TMEM178B: variants seen among roughly 807,000 people sequenced by gnomAD.
TMEM178B encodes the protein transmembrane protein 178B.
Under a neutral mutation model 31.0 loss-of-function variants are expected in TMEM178B, and 5 were observed. The ratio of observed to expected loss-of-function variants is 0.16; its 90% CI spans 0.08 to 0.34. The LOEUF is 0.34. Ranked by LOEUF, TMEM178B falls within the 10% of genes least tolerant of loss-of-function variation. TMEM178B has a pLI of 1.00. For missense variants in TMEM178B, 275 were observed against 400.3 expected, an observed-to-expected ratio of 0.69 and a Z score of 2.67; for synonymous variants, 164 against 164.0, an observed-to-expected ratio of 1.00 and a Z score of 0.00.
At chr7:141,258,407 C>A (rs1797962480) in intron 2 of TMEM178B, among the ~76,000 whole-genome samples, 1 of 152,130 alleles carries the variant, frequency 6.6e-6, no homozygotes, top group Admixed American at 6.6e-5. Flanking sequence ...GGGCCACATT[C>A]AAAGGTGTTC....
the TMEM178B span, among the ~76,000 whole-genome samples, chr7:141,495,749 G>A: frequency 6.6e-6 from 1 of 152,140 alleles, no homozygotes; most frequent in South Asian, 2.1e-4. Context: ...AACAACCAAG[G>A]TCCATCTCTG....
At chr7:141,244,814 G>A (rs1797698646) in intron 2 of TMEM178B, among the ~76,000 whole-genome samples, 1 of 152,032 alleles carries the variant, frequency 6.6e-6, no homozygotes. Flanking sequence ...TGCCCTCGGG[G>A]GGAAGAAGAA....
At chr7:141,197,093 T>C (rs557301558) in intron 1 of TMEM178B, among the ~76,000 whole-genome samples, 1 of 152,332 alleles carries the variant, frequency 6.6e-6, no homozygotes, top group Admixed American at 6.5e-5. Context: ...GTGTCTGACA[T>C]ATATAATCTG....
intron 2 of TMEM178B, among the ~76,000 whole-genome samples, chr7:141,391,291 G>C (rs965263304): frequency 6.6e-6 from 1 of 151,958 alleles, no homozygotes; most frequent in Non-Finnish European, 1.5e-5. Context: ...TCAGCCTCCC[G>C]AGTAGCTGGG....
chr7:141,159,242 C>T (rs1050676507), intron 1 of TMEM178B, among the ~76,000 whole-genome samples: 3 of 152,112 alleles, frequency 2.0e-5, no homozygotes, highest in African/African-American at 7.2e-5. Context: ...CACTCTTGCT[C>T]CCACAATCTA....
chr7:141,159,953 A>G (rs924860677), intron 1 of TMEM178B, among the ~76,000 whole-genome samples: 1 of 150,458 alleles, frequency 6.6e-6, no homozygotes, highest in Non-Finnish European at 1.5e-5. Flanking sequence ...TGAATTTTAA[A>G]AAAATTGTTC....
chr7:141,454,070 T>C (rs1801916553), intron 3 of TMEM178B, among the ~76,000 whole-genome samples: 1 of 152,092 alleles, frequency 6.6e-6, no homozygotes, highest in Admixed American at 6.6e-5. Flanking sequence ...AATCTCTTCT[T>C]GAAGTTTCTG....
intron 1 of TMEM178B, among the ~76,000 whole-genome samples, chr7:141,158,448 G>A (rs954388262): frequency 2.6e-5 from 4 of 152,162 alleles, no homozygotes; most frequent in African/African-American, 4.8e-5. Context: ...AGCAAGATCC[G>A]TGTCTGATCA....
intron 3 of TMEM178B, among the ~76,000 whole-genome samples, chr7:141,443,110 T>A (rs1801691838): frequency 6.6e-6 from 1 of 152,182 alleles, no homozygotes; most frequent in African/African-American, 2.4e-5. Context: ...ACCCTCTGTT[T>A]GTTTGATTTT....
chr7:141,331,317 C>T (rs1185895146), intron 2 of TMEM178B, among the ~76,000 whole-genome samples: 14 of 152,116 alleles, frequency 9.2e-5, no homozygotes, highest in Non-Finnish European at 1.3e-4. Context: ...AAAGTTAAGA[C>T]GCAAAGGTGA....
At chr7:141,416,929 G>A (rs993111864) in intron 2 of TMEM178B, among the ~76,000 whole-genome samples, 3 of 152,208 alleles carry the variant, frequency 2.0e-5, no homozygotes, top group Non-Finnish European at 4.4e-5. Flanking sequence ...AATGTTTCCA[G>A]TCATGTGAGA....
At chr7:141,116,080 T>A (rs1415022545) in intron 1 of TMEM178B, among the ~76,000 whole-genome samples, 1 of 152,238 alleles carries the variant, frequency 6.6e-6, no homozygotes, top group Admixed American at 6.5e-5. Context: ...CCGAGTTCAG[T>A]GTTTCATGTG....
chr7:141,165,956 C>T (rs1300980766), intron 1 of TMEM178B, among the ~76,000 whole-genome samples: 1 of 152,162 alleles, frequency 6.6e-6, no homozygotes, highest in African/African-American at 2.4e-5. Flanking sequence ...TAGCCACGGG[C>T]ATTGTTACAT....
At chr7:141,200,485 C>T (rs953505780) in intron 1 of TMEM178B, among the ~76,000 whole-genome samples, 7 of 152,062 alleles carry the variant, frequency 4.6e-5, no homozygotes, top group South Asian at 4.2e-4. Flanking sequence ...GGCAGGTGAC[C>T]GGTGTCTAGA....
chr7:141,489,509 T>C, the TMEM178B span, among the ~76,000 whole-genome samples: 3 of 152,178 alleles, frequency 2.0e-5, no homozygotes, highest in Non-Finnish European at 4.4e-5. Context: ...GGTTATTGTA[T>C]TGTGACCTCT....
chr7:141,325,337 A>G (rs569874074), intron 2 of TMEM178B, among the ~76,000 whole-genome samples: 18 of 152,226 alleles, frequency 1.2e-4, no homozygotes, highest in African/African-American at 2.4e-5. Context: ...TTATAAAAGC[A>G]TCTCGAGGAA....
intron 2 of TMEM178B, among the ~76,000 whole-genome samples, chr7:141,390,780 A>G (rs1339509669): frequency 6.6e-6 from 1 of 152,216 alleles, no homozygotes; most frequent in East Asian, 1.9e-4. Flanking sequence ...TTCTTGAAAG[A>G]AAATTTATGC....
rs191431664 is a variant in TMEM178B, at chr7:141,325,648, C to A, written c.497-111960C>A. The stretch of plus-strand genomic sequence containing the variant: ...ACAAGCCTGGACTTCTTGGGAAGGC[C>A]ACAGGGGATCTTTTTCTTTACACTG... On this transcript the variant is annotated intron_variant, in intron 2 of 3. Transcript: ENST00000565468. Among the ~76,000 whole-genome samples, 5 of 152,250 alleles carry A rather than the reference C, an allele frequency of 3.3e-5. No individual in the cohort carries two copies. The East Asian group carries it at 9.6e-4, about 29-fold the overall frequency.
At chr7:141,450,092 C>T (rs1209615451) in intron 3 of TMEM178B, among the ~76,000 whole-genome samples, 2 of 152,188 alleles carry the variant, frequency 1.3e-5, no homozygotes, top group Non-Finnish European at 2.9e-5. Context: ...ACTGTGCCTC[C>T]CTGACTTTCT....
Sources: allele counts gnomAD v4.1 joint callset (sites outside exome capture counted in the v4.1 genomes callset), GRCh38; gene constraint gnomAD v4.1.1; transcripts MANE v1.5; gene names NCBI Gene and HGNC (gene_info 2026-07-23, HGNC 2026-07-21).